Variants in OPCML observed in about 807,000 individuals in gnomAD.
The protein encoded by OPCML is opioid binding protein/cell adhesion molecule like, also known as opioid-binding protein/cell adhesion molecule.
A neutral mutation model predicts 37.8 loss-of-function variants in OPCML; 13 were observed. The ratio of observed to expected loss-of-function variants is 0.34; its 90% CI spans 0.22 to 0.55. The LOEUF (loss-of-function observed/expected upper bound fraction) is 0.55. Ranked by LOEUF, OPCML falls within the 20% of genes least tolerant of loss-of-function variation. The probability of loss-of-function intolerance (pLI) is 0.91; values close to 1 mark genes in which losing one functional copy is unlikely to be tolerated. For missense variants in OPCML, 341 were observed against 435.6 expected (o/e 0.78, Z 1.93); for synonymous variants, 176 against 168.8 (o/e 1.04, Z -0.33).
At chr11:132,706,912 T>A (rs1038404832) in intron 2 of OPCML, among the ~76,000 whole-genome samples, 1 of 152,222 alleles carries the variant, frequency 6.6e-6, no homozygotes, top group African/African-American at 2.4e-5. Context: ...GCTTCGTACA[T>A]CTAAGCAATT....
In OPCML at chr11:133,206,189, G is replaced by T. The variant is rs1449693175; in HGVS notation, c.62-263179C>A. Among the ~76,000 whole-genome samples the T allele has an allele frequency of 6.6e-6, 1 of 152,108 alleles. No homozygotes were observed. The highest frequency in any genetic ancestry group is 2.4e-5 in the African/African-American group (1 of 41,412). ...AATGCACAAAAAACTGCTTCCCATG[G>T]TGCCTAAAACGTCATCAATGCTCAA... On this transcript the variant is annotated intron_variant, in intron 1 of 7. Transcript: ENST00000524381. The surrounding 1 kb of genome is among the most constrained non-coding windows in gnomAD (Gnocchi z 4.7).
chr11:132,841,288 T>C (rs1465671224), intron 2 of OPCML, among the ~76,000 whole-genome samples: 1 of 152,170 alleles, frequency 6.6e-6, no homozygotes, highest in Non-Finnish European at 1.5e-5. Context: ...TAGCACTTAC[T>C]GACCCCCCGG....
chr11:132,884,377 G>A (rs1027522014), intron 2 of OPCML, among the ~76,000 whole-genome samples: 1 of 152,326 alleles, frequency 6.6e-6, no homozygotes, highest in Non-Finnish European at 1.5e-5. Flanking sequence ...TGAGGCAACT[G>A]TCTGTGGTGG....
At chr11:132,619,697 A>T (rs2137906657) in intron 3 of OPCML, among the ~76,000 whole-genome samples, 1 of 151,158 alleles carries the variant, frequency 6.6e-6, no homozygotes, top group East Asian at 2.0e-4. Context: ...AAAAAAAAAA[A>T]AAAAATTAGC....
At chr11:132,941,576 T>C (rs1289123330) in intron 2 of OPCML, among the ~76,000 whole-genome samples, 1 of 152,206 alleles carries the variant, frequency 6.6e-6, no homozygotes, top group East Asian at 1.9e-4. Context: ...TTTGAAGCAA[T>C]GAAGTAGGGA....
At chr11:133,284,951 G>C (rs1446744852) in intron 1 of OPCML, among the ~76,000 whole-genome samples, 3 of 152,040 alleles carry the variant, frequency 2.0e-5, no homozygotes, top group African/African-American at 7.2e-5. Flanking sequence ...GGAGTCTGGG[G>C]GCAGTGGGGG....
chr11:133,418,454 G>C, intron 1 of OPCML: 4 of 985,358 alleles, frequency 4.1e-6, no homozygotes, highest in Non-Finnish European at 4.8e-6. Flanking sequence ...TGACTTTGGT[G>C]TTTCTAGTAT....
At chr11:133,136,375 CT>C (rs1377098890) in intron 1 of OPCML, among the ~76,000 whole-genome samples, 4 of 62,512 alleles carry the variant, frequency 6.4e-5, no homozygotes, top group African/African-American at 9.4e-5. Context: ...AGAGCCCCAA[CT>C]TTTTTCCCCA....
At chr11:132,579,074 A>G (rs2096456865) in intron 3 of OPCML, among the ~76,000 whole-genome samples, 1 of 152,134 alleles carries the variant, frequency 6.6e-6, no homozygotes, top group Non-Finnish European at 1.5e-5. Context: ...TATCTCTGCC[A>G]TTTTTCTAGG....
intron 2 of OPCML, among the ~76,000 whole-genome samples, chr11:132,817,867 C>A (rs1164744778): frequency 6.6e-6 from 1 of 151,328 alleles, no homozygotes; most frequent in Non-Finnish European, 1.5e-5. Context: ...TTATAATATA[C>A]AATATAAACC....
chr11:133,529,943 G>A (rs765451768), intron 1 of OPCML, among the ~76,000 whole-genome samples: 1 of 152,110 alleles, frequency 6.6e-6, no homozygotes, highest in Non-Finnish European at 1.5e-5. Context: ...ACCTTCTAAG[G>A]CTAACTTTTT....
intron 3 of OPCML, among the ~76,000 whole-genome samples, chr11:132,588,360 C>A (rs761660980): frequency 8.5e-5 from 13 of 152,134 alleles, no homozygotes; most frequent in African/African-American, 3.1e-4. Flanking sequence ...GTGTCTAGAC[C>A]AGCAGAGATG....
intron 4 of OPCML, among the ~76,000 whole-genome samples, chr11:132,476,485 A>AT (rs1348823963): frequency 1.1e-4 from 17 of 152,200 alleles, no homozygotes; most frequent in Non-Finnish European, 2.5e-4. Context: ...TGTGGCACAT[A>AT]TATACCATGG....
At chr11:133,014,802 T>C (rs1041691215) in intron 1 of OPCML, among the ~76,000 whole-genome samples, 1 of 152,256 alleles carries the variant, frequency 6.6e-6, no homozygotes, top group Non-Finnish European at 1.5e-5. Flanking sequence ...ACATTGGTCA[T>C]AGCCAGTTTA....
At chr11:132,684,692 A>C (rs1158897020) in intron 2 of OPCML, among the ~76,000 whole-genome samples, 1 of 152,222 alleles carries the variant, frequency 6.6e-6, no homozygotes, top group Non-Finnish European at 1.5e-5. Flanking sequence ...ATCTATACAC[A>C]AAGAATTAAT....
intron 2 of OPCML, among the ~76,000 whole-genome samples, chr11:132,673,783 C>T (rs1337349116): frequency 6.6e-6 from 1 of 152,070 alleles, no homozygotes; most frequent in Non-Finnish European, 1.5e-5. Context: ...GTCAAAACAG[C>T]AATCATAAAT....
Position 133,205,489 on chromosome 11 carries a change from G to A in OPCML, c.62-262479C>T, listed in dbSNP as rs759984757. 6.6e-6 allele frequency among the ~76,000 whole-genome samples: 1 copy of A among 152,196 alleles called. No individual in the cohort carries two copies. Among genetic ancestry groups the A allele is most frequent in the Non-Finnish European group, 1.5e-5 (1 of 68,042 alleles). ...CAGCACTGGTCCCAACCCAGGGCTT[G>A]CACCTAGCACCTGAAGTGGGAGGCA... On this transcript the variant is annotated intron_variant, in intron 1 of 7. Transcript: ENST00000524381. The surrounding 1 kb of genome is among the most constrained non-coding windows in gnomAD (Gnocchi z 4.8).
intron 1 of OPCML, among the ~76,000 whole-genome samples, chr11:133,058,236 G>T (rs995981220): frequency 1.3e-5 from 2 of 152,254 alleles, no homozygotes; most frequent in South Asian, 4.2e-4. Context: ...CCTTGGTTGC[G>T]TAAAGACTTC....
chr11:132,966,103 T>C (rs1324373010), intron 1 of OPCML, among the ~76,000 whole-genome samples: 2 of 151,992 alleles, frequency 1.3e-5, no homozygotes, highest in Non-Finnish European at 2.9e-5. Flanking sequence ...TTTTTTCCCA[T>C]TTTTTGAGGT....
Sources: gnomAD v4.1 joint callset for allele counts (sites outside exome capture counted in the v4.1 genomes callset) on GRCh38, gnomAD v4.1.1 for gene constraint, Gnocchi (gnomAD v3.1) non-coding constraint, MANE v1.5 for transcripts, NCBI Gene and HGNC (gene_info 2026-07-23, HGNC 2026-07-21) for gene names.